The following NCKAP1 variants were observed in gnomAD, a reference collection of about 807,000 sequenced individuals.
The protein encoded by NCKAP1 is NCK associated protein 1.
A neutral mutation model predicts 151.2 loss-of-function variants in NCKAP1; 21 were observed. The ratio of observed to expected loss-of-function variants is 0.14; its 90% CI spans 0.10 to 0.20. The LOEUF (loss-of-function observed/expected upper bound fraction) is 0.20. Ranked by LOEUF, NCKAP1 falls within the 10% of genes least tolerant of loss-of-function variation. NCKAP1 has a pLI of 1.00. For synonymous variants in NCKAP1, 484 were observed against 451.8 expected (o/e 1.07, Z -0.90); for missense variants, 933 against 1,352.1 (o/e 0.69, Z 4.86).
intron 29 of NCKAP1, among the ~76,000 whole-genome samples, chr2:182,927,579 TA>T (rs1184069594): frequency 2.0e-5 from 3 of 151,954 alleles, no homozygotes; most frequent in Non-Finnish European, 4.4e-5. Context: ...ATAGAGAAAC[TA>T]AAAACCATGT....
chr2:182,995,225 CAAGTT>C (rs1261679043), intron 7 of NCKAP1, among the ~76,000 whole-genome samples: 3 of 152,046 alleles, frequency 2.0e-5, no homozygotes, highest in East Asian at 3.9e-4. Flanking sequence ...AAATTTTAGT[CAAGTT>C]AAAAGACATT....
intron 17 of NCKAP1, among the ~76,000 whole-genome samples, chr2:182,963,210 C>T (rs1186816581): frequency 6.6e-6 from 1 of 151,864 alleles, no homozygotes; most frequent in East Asian, 1.9e-4. Flanking sequence ...AGATTTACAA[C>T]CTGATATAAT....
In NCKAP1 at chr2:182,978,860, G is replaced by A; in HGVS notation, c.1397C>T (p.Thr466Ile). 6.2e-7 allele frequency: 1 copy of A among 1,603,862 alleles called. No individual in the cohort carries two copies. The highest frequency in any genetic ancestry group is 1.1e-5 in the South Asian group (1 of 90,006). ...TTGTTTTACACTTAGGGAAGTCATAGTGTTAACAAAAGAGGACATGATGAT... is the reference window on the plus strand; with the variant it reads ...TTGTTTTACACTTAGGGAAGTCATAATGTTAACAAAAGAGGACATGATGAT... ...ESIIMSSFVN[T>I]MTSLSVKQVE... Residue 466 changes from threonine (T) to isoleucine (I), a missense_variant, in exon 14 of 31, where the codon ACT becomes ATT. Physicochemically the swap from Thr to Ile is moderately conservative, Grantham distance 89 (BLOSUM62 -1). This residue lies in a region of NCKAP1 where 607 missense variants were observed against 795.0 expected (regional missense o/e 0.76). Transcript: ENST00000361354.
chr2:182,951,512 T>C (rs1357799618), intron 23 of NCKAP1, among the ~76,000 whole-genome samples: 1 of 150,306 alleles, frequency 6.7e-6, no homozygotes, highest in African/African-American at 2.4e-5. Context: ...CTACTAAAAA[T>C]ACAAAAATAA....
In NCKAP1 at chr2:183,002,181, C is replaced by T; in HGVS notation, c.458G>A (p.Arg153Lys). ...LMILLSRIEE[R>K]KAIIGLYNYA... ...GTTGTATAATCCAATGATTGCCTTCCTTTCTTCAATTCGAGACAGCAGTAT... is the reference window on the plus strand; with the variant it reads ...GTTGTATAATCCAATGATTGCCTTCTTTTCTTCAATTCGAGACAGCAGTAT... Residue 153 changes from arginine (R) to lysine (K), a missense_variant, in exon 5 of 31, where the codon AGG becomes AAG. Around this residue, in one of 2 missense-constraint regions of NCKAP1, gnomAD observed 607 missense variants for 795.0 expected, o/e 0.76. Coordinates refer to ENST00000361354, the MANE Select transcript of NCKAP1 (RefSeq NM_013436.5). The T allele has an allele frequency of 2.5e-6, 4 of 1,610,630 alleles. No homozygotes were observed. The highest frequency in any genetic ancestry group is 3.4e-6 in the Non-Finnish European group (4 of 1,177,090).
intron 2 of NCKAP1, among the ~76,000 whole-genome samples, chr2:183,006,259 C>T (rs1028753005): frequency 1.3e-5 from 2 of 152,086 alleles, no homozygotes; most frequent in African/African-American, 4.8e-5. Flanking sequence ...CCCTCCTCAT[C>T]GAAATGGAAG....
At chr2:182,975,367 A>G (rs1697784731) in intron 15 of NCKAP1, among the ~76,000 whole-genome samples, 1 of 152,114 alleles carries the variant, frequency 6.6e-6, no homozygotes, top group Non-Finnish European at 1.5e-5. Flanking sequence ...CTTCATTTCT[A>G]AAAATAAGCT....
intron 12 of NCKAP1, among the ~76,000 whole-genome samples, chr2:182,981,770 A>G (rs1215921855): frequency 1.3e-5 from 2 of 151,796 alleles, no homozygotes; most frequent in Non-Finnish European, 2.9e-5. Flanking sequence ...TTAGCTGGGC[A>G]TGGTGGTGGG....
At chr2:183,010,256 A>C (rs1206715780) in intron 2 of NCKAP1, among the ~76,000 whole-genome samples, 1 of 152,184 alleles carries the variant, frequency 6.6e-6, no homozygotes, top group Non-Finnish European at 1.5e-5. Flanking sequence ...AGTCACTTCT[A>C]AGTCCAGGGC....
At chr2:182,955,400 G>T (rs1051625107) in intron 20 of NCKAP1, among the ~76,000 whole-genome samples, 1 of 152,020 alleles carries the variant, frequency 6.6e-6, no homozygotes, top group Non-Finnish European at 1.5e-5. Context: ...AAATTTTCAT[G>T]AATAAATATT....
At chr2:182,944,830 G>A (rs1697067003) in intron 23 of NCKAP1, among the ~76,000 whole-genome samples, 1 of 152,180 alleles carries the variant, frequency 6.6e-6, no homozygotes, top group Admixed American at 6.5e-5. Context: ...GGCCAGGCAT[G>A]GTGACTCACA....
chr2:182,937,611 G>A (rs1696904703), intron 24 of NCKAP1, among the ~76,000 whole-genome samples: 1 of 151,870 alleles, frequency 6.6e-6, no homozygotes, highest in Non-Finnish European at 1.5e-5. Context: ...AGAGTTATAC[G>A]AAAAGAATTC....
intron 8 of NCKAP1, among the ~76,000 whole-genome samples, 156 bp downstream of exon 8, chr2:182,994,683 C>G (rs1468552757): frequency 6.6e-6 from 1 of 151,882 alleles, no homozygotes; most frequent in Non-Finnish European, 1.5e-5. Context: ...AACAGGCTAT[C>G]TACTCTGATA....
chr2:183,035,046 A>G (rs879880715), intron 1 of NCKAP1, among the ~76,000 whole-genome samples: 1 of 152,126 alleles, frequency 6.6e-6, no homozygotes, highest in Non-Finnish European at 1.5e-5. Context: ...AAATGTTACA[A>G]ATCTCTACAT....
intron 1 of NCKAP1, among the ~76,000 whole-genome samples, chr2:183,032,587 T>C (rs1228827977): frequency 1.3e-5 from 2 of 152,174 alleles, no homozygotes; most frequent in Non-Finnish European, 2.9e-5. Flanking sequence ...AAAAAAACAG[T>C]AAGAATACAG....
intron 1 of NCKAP1, among the ~76,000 whole-genome samples, chr2:183,033,101 T>A (rs185530068): frequency 6.6e-6 from 1 of 152,284 alleles, no homozygotes; most frequent in East Asian, 1.9e-4. Context: ...AACATCATAG[T>A]TTAGCCTAGC....
At chr2:182,986,062 C>T in intron 10 of NCKAP1, 109 bp downstream of exon 10, 1 of 980,890 alleles carries the variant, frequency 1.0e-6, no homozygotes, top group Non-Finnish European at 1.6e-6. Flanking sequence ...AAGTCCCCCT[C>T]TTCTACTACC....
At chr2:182,995,907 A>G in intron 6 of NCKAP1, 69 bp from the exon 7 acceptor site, 1 of 1,317,792 alleles carries the variant, frequency 7.6e-7, no homozygotes, top group Admixed American at 1.8e-5. Flanking sequence ...TGCAGCTATA[A>G]TTGCTGTGTG....
At chr2:182,982,764 T>A in intron 12 of NCKAP1, 57 bp downstream of exon 12, 2 of 1,175,674 alleles carry the variant, frequency 1.7e-6, no homozygotes, top group Non-Finnish European at 2.4e-6. Flanking sequence ...ATAACCCCAT[T>A]GTAAATCAAG....
Sources: allele counts gnomAD v4.1 joint callset (sites outside exome capture counted in the v4.1 genomes callset), GRCh38; gene constraint gnomAD v4.1.1; regional missense constraint gnomAD v4.1.1; transcripts MANE v1.5; gene names NCBI Gene and HGNC (gene_info 2026-07-23, HGNC 2026-07-21).